The following AFF2 variants were observed in gnomAD, a reference collection of about 807,000 sequenced individuals.
AFF2 encodes the protein AF4/FMR2 family member 2.
AFF2 carries 14 observed loss-of-function variants against 76.9 expected under a neutral mutation model. That is an observed-to-expected ratio of 0.18 (90% CI 0.12 to 0.28). AFF2 has a LOEUF of 0.28. AFF2 is among the 10% of genes least tolerant of loss of function. The pLI is 1.00. For missense variants in AFF2, 868 were observed against 1,001.1 expected, an observed-to-expected ratio of 0.87 and a Z score of 1.79; for synonymous variants, 398 against 366.7, an observed-to-expected ratio of 1.09 and a Z score of -0.98.
chrX:148,659,938 A>T (rs1430045802), intron 2 of AFF2, among the ~76,000 whole-genome samples: 2 of 112,445 alleles, frequency 1.8e-5, no homozygotes, highest in Non-Finnish European at 3.8e-5. Context: ...TACTTTTGAA[A>T]ACAGAGTGAT....
At chrX:148,656,823 G>A (rs2054258948) in intron 2 of AFF2, among the ~76,000 whole-genome samples, 1 of 111,487 alleles carries the variant, frequency 9.0e-6, no homozygotes, top group Non-Finnish European at 1.9e-5. Flanking sequence ...TCAGAGAAGC[G>A]AGATGGCTTC....
At chrX:148,708,508 T>G (rs782313909) in intron 3 of AFF2, among the ~76,000 whole-genome samples, 30 of 112,100 alleles carry the variant, frequency 2.7e-4, no homozygotes, top group Non-Finnish European at 5.1e-4. Context: ...ATGAAAATAT[T>G]ACAGTCACTA....
intron 3 of AFF2, among the ~76,000 whole-genome samples, chrX:148,765,261 C>G (rs782492195): frequency 2.7e-5 from 3 of 111,585 alleles, no homozygotes; most frequent in Non-Finnish European, 5.6e-5. Context: ...TTTCCTTCTC[C>G]AAGGTGAAGC....
chrX:148,716,243 G>A (rs1180739444), intron 3 of AFF2, among the ~76,000 whole-genome samples: 1 of 107,873 alleles, frequency 9.3e-6, no homozygotes, highest in Non-Finnish European at 1.9e-5. Flanking sequence ...ACTGTTTATT[G>A]TGCCATCCCC....
chrX:148,692,584 A>G (rs1446354588), intron 3 of AFF2, among the ~76,000 whole-genome samples: 1 of 112,318 alleles, frequency 8.9e-6, no homozygotes, highest in African/African-American at 3.2e-5. Context: ...AGTTGTATAC[A>G]ATTTTTATAA....
chrX:148,500,952 T>C lies in AFF2; in HGVS notation c.-146T>C, dbSNP rs1260009945. 29 of 716,366 alleles carry C rather than the reference T, an allele frequency of 4.0e-5. No homozygotes were observed. The Admixed American group carries it at 6.7e-4, about 17-fold the overall frequency. 59.0% of individuals were successfully genotyped at this position (716,366 alleles called of 1,213,427 possible). On this transcript the variant is annotated 5_prime_UTR_variant, in exon 1 of 21. Coordinates refer to ENST00000370460, the MANE Select transcript of AFF2 (RefSeq NM_002025.4). Reference sequence around the variant, plus strand: ...AGACACCTCCAGCGCCCGCTGCTGCTGCCGATGCGGCCCGGACACTTTTAG... The same window carrying C: ...AGACACCTCCAGCGCCCGCTGCTGCCGCCGATGCGGCCCGGACACTTTTAG...
chrX:148,549,296 C>A (rs995429387), intron 1 of AFF2, among the ~76,000 whole-genome samples: 1 of 111,931 alleles, frequency 8.9e-6, no homozygotes, highest in Non-Finnish European at 1.9e-5. Context: ...AGAGTGAATG[C>A]GTGGAAGAAG....
At chrX:148,581,753 C>G (rs955312783) in intron 1 of AFF2, among the ~76,000 whole-genome samples, 15 of 112,251 alleles carry the variant, frequency 1.3e-4, no homozygotes, top group Admixed American at 1.3e-3. Context: ...ACATATTGAA[C>G]ATAAAGTTCA....
chrX:148,856,211 A>C (rs2070785034), intron 7 of AFF2, among the ~76,000 whole-genome samples: 1 of 111,967 alleles, frequency 8.9e-6, no homozygotes, highest in Non-Finnish European at 1.9e-5. Flanking sequence ...GGAGCTCAAC[A>C]CAGCATCTTA....
At chrX:148,578,033 T>C (rs1480039591) in intron 1 of AFF2, among the ~76,000 whole-genome samples, 1 of 112,625 alleles carries the variant, frequency 8.9e-6, no homozygotes, top group Non-Finnish European at 1.9e-5. Flanking sequence ...CCCAAATTCT[T>C]TCTTTATTTT....
In AFF2 at chrX:148,830,835, T is replaced by C. The variant is rs1017602181; in HGVS notation, c.1087-6812T>C. Among the ~76,000 whole-genome samples the C allele has an allele frequency of 1.1e-4, 12 of 111,536 alleles. No individual in the cohort carries two copies. In the Admixed American group the frequency reaches 1.1e-3, roughly 11 times the overall value. ...GTGACAGGGTTTGAGAGCAGACAAC[T>C]GGTCTGACCAAAATTTATTAAGCGG... On this transcript the variant is annotated intron_variant, in intron 4 of 20. Coordinates refer to ENST00000370460, the MANE Select transcript of AFF2 (RefSeq NM_002025.4).
intron 3 of AFF2, among the ~76,000 whole-genome samples, chrX:148,729,831 T>A (rs1471314892): frequency 8.9e-6 from 1 of 112,126 alleles, no homozygotes; most frequent in Admixed American, 9.5e-5. Flanking sequence ...CAGATAATTG[T>A]CTCAACTTTC....
At chrX:148,830,094 C>T (rs1557273198) in intron 4 of AFF2, among the ~76,000 whole-genome samples, 1 of 112,113 alleles carries the variant, frequency 8.9e-6, no homozygotes, top group African/African-American at 3.2e-5. Context: ...GCAGTATTCC[C>T]ATGCCCCCAC....
chrX:148,502,577 A>T (rs782555455), intron 1 of AFF2, among the ~76,000 whole-genome samples: 3 of 112,917 alleles, frequency 2.7e-5, no homozygotes, highest in South Asian at 7.3e-4. Flanking sequence ...TTGTTACATT[A>T]AAAAATGCTG....
chrX:148,922,313 C>G (rs1435189009), intron 9 of AFF2, among the ~76,000 whole-genome samples: 1 of 111,777 alleles, frequency 8.9e-6, no homozygotes, highest in Admixed American at 9.5e-5. Flanking sequence ...GGGGAAGGAG[C>G]ATAAATTATT....
intron 4 of AFF2, among the ~76,000 whole-genome samples, chrX:148,826,306 G>T (rs2070388076): frequency 9.2e-6 from 1 of 108,689 alleles, no homozygotes; most frequent in South Asian, 4.1e-4. Context: ...AAATGTGGAT[G>T]CCCTAAAAGA....
chrX:148,881,376 G>T (rs2071093902), intron 7 of AFF2, among the ~76,000 whole-genome samples: 1 of 111,326 alleles, frequency 9.0e-6, no homozygotes, highest in African/African-American at 3.3e-5. Flanking sequence ...CAACTGGGGG[G>T]TCGCCCTTGG....
intron 9 of AFF2, among the ~76,000 whole-genome samples, chrX:148,949,721 A>G (rs1380794079): frequency 6.2e-5 from 7 of 112,684 alleles, no homozygotes; most frequent in Non-Finnish European, 1.3e-4. Flanking sequence ...TTTAATATTT[A>G]CAGACTATAG....
chrX:148,601,338 TG>T (rs1415354188), intron 1 of AFF2, among the ~76,000 whole-genome samples: 1 of 112,293 alleles, frequency 8.9e-6, no homozygotes, highest in Non-Finnish European at 1.9e-5. Flanking sequence ...AAATATTTTC[TG>T]AAGTTTTCTA....
Sources: allele counts gnomAD v4.1 joint callset (sites outside exome capture counted in the v4.1 genomes callset), GRCh38; gene constraint gnomAD v4.1.1; transcripts MANE v1.5; gene names NCBI Gene and HGNC (gene_info 2026-07-23, HGNC 2026-07-21).